Variants in ITPR2 observed in about 807,000 individuals in gnomAD.
ITPR2 encodes inositol 1,4,5-trisphosphate receptor type 2, also known as inositol 1,4,5-trisphosphate-gated calcium channel ITPR2.
Under a neutral mutation model 317.1 loss-of-function variants are expected in ITPR2, and 207 were observed. The observed-to-expected ratio is 0.65, with a 90% CI of 0.58 to 0.73. ITPR2 has a LOEUF of 0.73. Ranked by LOEUF, ITPR2 falls within the 30% of genes least tolerant of loss-of-function variation. The pLI is 0.00. For missense variants in ITPR2, 2,613 were observed against 3,284.0 expected (o/e 0.80, Z 4.99); for synonymous variants, 1,156 against 1,149.1 (o/e 1.01, Z -0.12).
intron 10 of ITPR2, among the ~76,000 whole-genome samples, chr12:26,692,262 T>C (rs1357674430): frequency 2.0e-5 from 3 of 152,178 alleles, no homozygotes; most frequent in Admixed American, 6.6e-5. Context: ...CCAGGGGGCA[T>C]TGGCAATTTC....
At chr12:26,773,878 C>T (rs1302970572) in intron 2 of ITPR2, among the ~76,000 whole-genome samples, 1 of 151,896 alleles carries the variant, frequency 6.6e-6, no homozygotes, top group Non-Finnish European at 1.5e-5. Flanking sequence ...ATTTCCACTG[C>T]CACTTAAGAG....
intron 48 of ITPR2, among the ~76,000 whole-genome samples, chr12:26,428,938 T>A (rs1026427567): frequency 4.6e-5 from 7 of 152,200 alleles, no homozygotes; most frequent in African/African-American, 1.7e-4. Context: ...GTCTATAGGC[T>A]GACATAGAAA....
intron 21 of ITPR2, among the ~76,000 whole-genome samples, chr12:26,636,525 T>C (rs1946870559): frequency 6.6e-6 from 1 of 152,222 alleles, no homozygotes; most frequent in Non-Finnish European, 1.5e-5. Flanking sequence ...TGAGAATGAC[T>C]TATTGTAATA....
rs1018382721 is a variant in ITPR2 at position 26,725,531 on chromosome 12, T to A, written c.279+119A>T. The A allele has an allele frequency of 6.0e-6, 4 of 671,246 alleles. No homozygotes were observed. In the African/African-American group the frequency reaches 7.2e-5, roughly 12 times the overall value. The allele number at this position is 671,246 out of a possible 1,614,324, so 41.6% of individuals were successfully genotyped here. ...CCCTTCTACTTTCAATGTGTTGCTA[T>A]ATGTATTCTAAATCTCTGTGTTTTG... On this transcript the variant is annotated intron_variant, in intron 3 of 56. Transcript: ENST00000381340.
intron 45 of ITPR2, among the ~76,000 whole-genome samples, chr12:26,447,451 C>A (rs1941634120): frequency 6.6e-6 from 1 of 151,662 alleles, no homozygotes; most frequent in Non-Finnish European, 1.5e-5. Flanking sequence ...CTTTATTATC[C>A]ATTTCACATT....
At position 26,411,379 on chromosome 12, in the gene ITPR2, G is replaced by A. The variant is rs755166659; in HGVS notation, c.7340C>T (p.Thr2447Ile). 2 of 1,613,456 alleles carry A rather than the reference G, an allele frequency of 1.2e-6. No homozygotes were observed. Among genetic ancestry groups the A allele is most frequent in the Non-Finnish European group, 1.7e-6 (2 of 1,179,644 alleles). The change falls in exon 52 of 57, where the codon ACC becomes ATC. Residue 2447 changes from threonine (T) to isoleucine (I), a missense_variant. Thr to Ile is a moderately conservative substitution (Grantham distance 89). Coordinates refer to ENST00000381340, the MANE Select transcript of ITPR2 (RefSeq NM_002223.4). Reference protein sequence around the residue: ...SHQVPTMTLTTMMEACAKENC... With the variant: ...SHQVPTMTLTIMMEACAKENC... ...CTCCTTGGCACATGCTTCCATCATG[G>A]TAGTTAAAGTCATAGTAGGCACTTG...
intron 35 of ITPR2, among the ~76,000 whole-genome samples, chr12:26,559,111 T>C (rs527447024): frequency 6.6e-6 from 1 of 152,192 alleles, no homozygotes; most frequent in Non-Finnish European, 1.5e-5. Context: ...ACCATCACCT[T>C]TTGCCTGAAT....
intron 9 of ITPR2, among the ~76,000 whole-genome samples, chr12:26,702,403 G>A (rs1275636247): frequency 4.9e-5 from 5 of 101,034 alleles, no homozygotes; most frequent in South Asian, 4.2e-4. Context: ...TTTTGGGGGC[G>A]GGGGTGGGGG....
intron 1 of ITPR2, among the ~76,000 whole-genome samples, chr12:26,826,549 G>A (rs140961865): frequency 3.9e-5 from 6 of 152,218 alleles, no homozygotes; most frequent in African/African-American, 1.4e-4. Flanking sequence ...CAAGCAGGAA[G>A]TAAAAATAAG....
chr12:26,408,618 G>A lies in ITPR2; in HGVS notation c.7399+2702C>T, dbSNP rs889613093. Among the ~76,000 whole-genome samples the A allele has an allele frequency of 5.3e-5, 8 of 152,256 alleles. 1 individual carries two copies. In the South Asian group the frequency reaches 8.3e-4, roughly 16 times the overall value. On this transcript the variant is annotated intron_variant, in intron 52 of 56. Coordinates refer to ENST00000381340, the MANE Select transcript of ITPR2 (RefSeq NM_002223.4). ...GTGCCTTGGGAGCCCTGGCTACCAC[G>A]CTGTGGGTGAGACTCAGATCCTCTT...
chr12:26,605,100 AAT>A (rs1179644061), intron 26 of ITPR2, among the ~76,000 whole-genome samples: 1,651 of 102,570 alleles, frequency 0.016, 47 homozygotes, highest in African/African-American at 0.053. Context: ...AAAAAAAAAA[AAT>A]AAAAATAAAA....
chr12:26,342,707 T>G (rs1368146402), intron 55 of ITPR2, among the ~76,000 whole-genome samples: 1 of 152,154 alleles, frequency 6.6e-6, no homozygotes, highest in Non-Finnish European at 1.5e-5. Flanking sequence ...CCCCCTGGAT[T>G]CAAGTGATTC....
intron 45 of ITPR2, among the ~76,000 whole-genome samples, chr12:26,449,715 G>C (rs920025961): frequency 6.6e-6 from 1 of 152,116 alleles, no homozygotes; most frequent in Non-Finnish European, 1.5e-5. Flanking sequence ...TCTGCATAGA[G>C]AGAGGGATCC....
chr12:26,464,216 T>G (rs1265006237), intron 45 of ITPR2, among the ~76,000 whole-genome samples: 1 of 152,176 alleles, frequency 6.6e-6, no homozygotes, highest in African/African-American at 2.4e-5. Flanking sequence ...TTATATTTAT[T>G]GCGCACATTA....
chr12:26,393,179 G>A (rs1939898894), intron 54 of ITPR2, among the ~76,000 whole-genome samples: 2 of 152,184 alleles, frequency 1.3e-5, no homozygotes, highest in African/African-American at 2.4e-5. Context: ...CCTGGAGCCA[G>A]TTCTCTCTTA....
intron 2 of ITPR2, among the ~76,000 whole-genome samples, chr12:26,778,401 CATA>C (rs1429280157): frequency 6.6e-6 from 1 of 152,186 alleles, no homozygotes; most frequent in African/African-American, 2.4e-5. Flanking sequence ...AGTGGATTAT[CATA>C]AGCTTAACGA....
At chr12:26,538,861 C>T (rs560264782) in intron 37 of ITPR2, among the ~76,000 whole-genome samples, 1 of 152,280 alleles carries the variant, frequency 6.6e-6, no homozygotes, top group Admixed American at 6.5e-5. Flanking sequence ...AGGCGTGAGC[C>T]ACTGCGCCCG....
intron 21 of ITPR2, among the ~76,000 whole-genome samples, chr12:26,641,081 AAC>A (rs754335979): frequency 3.3e-5 from 5 of 152,194 alleles, no homozygotes; most frequent in Non-Finnish European, 5.9e-5. Context: ...AAAGAGTCAA[AAC>A]ACAGAGTCAG....
At chr12:26,817,159 C>A (rs956728308) in intron 1 of ITPR2, among the ~76,000 whole-genome samples, 1 of 118,900 alleles carries the variant, frequency 8.4e-6, no homozygotes, top group Admixed American at 1.1e-4. Flanking sequence ...CCAGCCTGGG[C>A]GACAGACCGA....
Sources: gnomAD v4.1 joint callset for allele counts (sites outside exome capture counted in the v4.1 genomes callset) on GRCh38, gnomAD v4.1.1 for gene constraint, MANE v1.5 for transcripts, NCBI Gene and HGNC (gene_info 2026-07-23, HGNC 2026-07-21) for gene names.